The following MAD1L1 variants were observed in gnomAD, a reference collection of about 807,000 sequenced individuals.
The protein encoded by MAD1L1 is mitotic spindle assembly checkpoint protein MAD1.
MAD1L1 carries 95 observed loss-of-function variants against 96.9 expected under a neutral mutation model. The ratio of observed to expected loss-of-function variants is 0.98; its 90% CI spans 0.83 to 1.16. The LOEUF (loss-of-function observed/expected upper bound fraction) is 1.16. Among genes scored for constraint, MAD1L1 ranks in the 50% most tolerant of loss-of-function variants. The probability of loss-of-function intolerance (pLI) is 0.00; values close to 1 mark genes in which losing one functional copy is unlikely to be tolerated. For synonymous variants in MAD1L1, 473 were observed against 396.6 expected, an observed-to-expected ratio of 1.19 and a Z score of -2.29; for missense variants, 1,007 against 954.4, an observed-to-expected ratio of 1.06 and a Z score of -0.73.
chr7:1,819,357 G>C (rs1782002690), intron 18 of MAD1L1, among the ~76,000 whole-genome samples: 1 of 152,154 alleles, frequency 6.6e-6, no homozygotes. Context: ...TAGCGGCCCT[G>C]TGGCTGGCGG....
intron 11 of MAD1L1, among the ~76,000 whole-genome samples, chr7:2,124,936 C>A (rs1314235430): frequency 2.0e-5 from 3 of 152,168 alleles, no homozygotes; most frequent in African/African-American, 7.2e-5. Context: ...CCTTCCAGCC[C>A]CAGGGCAGGA....
At chr7:2,053,317 G>GGGCAGGTGAGGCAGA (rs1283006677) in intron 12 of MAD1L1, among the ~76,000 whole-genome samples, 1 of 152,192 alleles carries the variant, frequency 6.6e-6, no homozygotes, top group Non-Finnish European at 1.5e-5. Context: ...GCAGAGCACA[G>GGGCAGGTGAGGCAGA]GGCAGGTGAG....
intron 18 of MAD1L1, among the ~76,000 whole-genome samples, chr7:1,876,976 C>T (rs1034673887): frequency 6.6e-5 from 9 of 135,774 alleles, no homozygotes; most frequent in East Asian, 4.4e-4. Flanking sequence ...ATACAGTTCA[C>T]GTATTTAAAT....
rs549547659 is a variant in MAD1L1 at position 2,082,943 on chromosome 7, G to A, written c.1074-13605C>T. ...CCCAAAGCACAGAAGTCAATACCCC[G>A]TTAGGTGTGGCACCTTCATGGGGCC... On this transcript the variant is annotated intron_variant, in intron 11 of 18. Transcript: ENST00000265854. Among the ~76,000 whole-genome samples, 7 of 152,332 alleles carry A rather than the reference G, an allele frequency of 4.6e-5. No homozygotes were observed. In the South Asian group the frequency reaches 6.2e-4, roughly 14 times the overall value.
At chr7:2,106,324 C>A (rs1239316707) in intron 11 of MAD1L1, among the ~76,000 whole-genome samples, 4 of 152,042 alleles carry the variant, frequency 2.6e-5, no homozygotes, top group Non-Finnish European at 4.4e-5. Context: ...ACTCACACTC[C>A]CCACTTCCCA....
intron 18 of MAD1L1, among the ~76,000 whole-genome samples, chr7:1,884,116 C>G (rs1228782485): frequency 2.6e-5 from 4 of 152,264 alleles, no homozygotes; most frequent in Non-Finnish European, 1.5e-5. Flanking sequence ...GGACCGCAAG[C>G]CAGAGTTGGC....
At chr7:2,178,198 C>T (rs527273796) in intron 10 of MAD1L1, among the ~76,000 whole-genome samples, 4 of 152,252 alleles carry the variant, frequency 2.6e-5, no homozygotes, top group South Asian at 2.1e-4. Context: ...TTGATAAAAA[C>T]GAAATATTTT....
chr7:2,231,633 A>T (rs1794194915), intron 1 of MAD1L1, among the ~76,000 whole-genome samples: 1 of 152,206 alleles, frequency 6.6e-6, no homozygotes, highest in Admixed American at 6.5e-5. Context: ...TAATTAAAAA[A>T]AAAATCTGGC....
intron 11 of MAD1L1, among the ~76,000 whole-genome samples, chr7:2,084,384 A>G (rs1346675036): frequency 6.6e-6 from 1 of 152,222 alleles, no homozygotes; most frequent in African/African-American, 2.4e-5. Context: ...CTGGGAGCAG[A>G]GCACTGCAAG....
intron 18 of MAD1L1, among the ~76,000 whole-genome samples, chr7:1,824,898 C>T (rs923566202): frequency 3.4e-4 from 52 of 152,020 alleles, no homozygotes; most frequent in Non-Finnish European, 5.3e-4. Context: ...GCAGCGTCCG[C>T]CGAGAGTCAG....
intron 14 of MAD1L1, among the ~76,000 whole-genome samples, chr7:1,998,378 C>A (rs1049068624): frequency 3.9e-5 from 6 of 152,248 alleles, no homozygotes; most frequent in African/African-American, 1.4e-4. Flanking sequence ...TGCTCCAGGG[C>A]AGCTGCAGGT....
chr7:1,838,918 G>C (rs1201348404), intron 18 of MAD1L1: 6 of 463,338 alleles, frequency 1.3e-5, no homozygotes, highest in Non-Finnish European at 2.7e-5. Flanking sequence ...GAGGAGGCTG[G>C]GGACAAGGAC....
rs140422510 is a variant in MAD1L1 at position 2,047,301 on chromosome 7, T to C, written c.1218+21893A>G. On this transcript the variant is annotated intron_variant, in intron 12 of 18. Coordinates refer to ENST00000265854, the MANE Select transcript of MAD1L1 (RefSeq NM_001013836.2). The stretch of plus-strand genomic sequence containing the variant: ...AAAACCCACCGGCACGAGGAAACCC[T>C]GGGGGCCTGTCTGCAGACCGTGCCG... Among the ~76,000 whole-genome samples, 723 of 152,322 alleles carry C rather than the reference T, an allele frequency of 4.7e-3. 9 individuals are homozygous for C. The highest frequency in any genetic ancestry group is 0.017 in the African/African-American group (692 of 41,564).
chr7:2,091,341 G>A (rs1215236494), intron 11 of MAD1L1, among the ~76,000 whole-genome samples: 1 of 152,196 alleles, frequency 6.6e-6, no homozygotes, highest in Non-Finnish European at 1.5e-5. Flanking sequence ...CCCCGCAGCA[G>A]TACAGGTATG....
chr7:2,166,767 T>G (rs1790449111), intron 10 of MAD1L1, among the ~76,000 whole-genome samples: 1 of 152,152 alleles, frequency 6.6e-6, no homozygotes, highest in South Asian at 2.1e-4. Context: ...GAGAATGACC[T>G]GGGCGGAACC....
chr7:1,877,223 G>A (rs1035203594), intron 18 of MAD1L1, among the ~76,000 whole-genome samples: 4 of 152,090 alleles, frequency 2.6e-5, no homozygotes, highest in African/African-American at 4.8e-5. Context: ...CCCACCGCCC[G>A]CTTTTGTAAT....
intron 18 of MAD1L1, among the ~76,000 whole-genome samples, chr7:1,858,808 G>A (rs1185447382): frequency 1.3e-5 from 2 of 152,246 alleles, no homozygotes; most frequent in African/African-American, 4.8e-5. Flanking sequence ...AGGCCCAGCA[G>A]GAATGCTTCA....
chr7:1,952,063 C>A (rs1371028559), intron 16 of MAD1L1, among the ~76,000 whole-genome samples: 6 of 152,228 alleles, frequency 3.9e-5, no homozygotes, highest in African/African-American at 1.4e-4. Context: ...CAGGCTTAGT[C>A]TGCAAACTCC....
chr7:1,826,106 T>C (rs1782379277), intron 18 of MAD1L1, among the ~76,000 whole-genome samples: 1 of 152,198 alleles, frequency 6.6e-6, no homozygotes, highest in Non-Finnish European at 1.5e-5. Flanking sequence ...TACCGTGGTC[T>C]ACGCAACCTG....
Sources: gnomAD v4.1 joint callset for allele counts (sites outside exome capture counted in the v4.1 genomes callset) on GRCh38, gnomAD v4.1.1 for gene constraint, MANE v1.5 for transcripts, NCBI Gene and HGNC (gene_info 2026-07-23, HGNC 2026-07-21) for gene names.